RPGRIP1L: variants seen among roughly 807,000 people sequenced by gnomAD.
RPGRIP1L encodes the protein RPGRIP1 like.
Under a neutral mutation model 160.4 loss-of-function variants are expected in RPGRIP1L, and 131 were observed. The ratio of observed to expected loss-of-function variants is 0.82; its 90% CI spans 0.71 to 0.94. RPGRIP1L has a LOEUF of 0.94. Ranked by LOEUF, RPGRIP1L falls within the 40% of genes least tolerant of loss-of-function variation. The probability of loss-of-function intolerance (pLI) is 0.00; values close to 1 mark genes in which losing one functional copy is unlikely to be tolerated. For synonymous variants in RPGRIP1L, 510 were observed against 515.8 expected (o/e 0.99, Z 0.15); for missense variants, 1,522 against 1,535.8 (o/e 0.99, Z 0.15).
chr16:53,622,183 T>C (rs1364153050), intron 23 of RPGRIP1L, 36 bp downstream of exon 23: 15 of 617,410 alleles, frequency 2.4e-5, no homozygotes, highest in Non-Finnish European at 3.5e-5. Context: ...GCCAACATAG[T>C]GAAACCCCGT....
At chr16:53,665,591 G>C (rs949005291) in intron 9 of RPGRIP1L, among the ~76,000 whole-genome samples, 5 of 152,142 alleles carry the variant, frequency 3.3e-5, no homozygotes, top group African/African-American at 1.2e-4. Flanking sequence ...AGTTTTAGAT[G>C]TAACACGATT....
At chr16:53,647,475 A>G (rs909811360) in intron 16 of RPGRIP1L, among the ~76,000 whole-genome samples, 2 of 152,128 alleles carry the variant, frequency 1.3e-5, no homozygotes, top group Non-Finnish European at 2.9e-5. Flanking sequence ...GCTGTTTAAC[A>G]TGGTAGATGA....
chr16:53,651,205 CT>C (rs1406746722), intron 15 of RPGRIP1L, among the ~76,000 whole-genome samples: 2 of 152,278 alleles, frequency 1.3e-5, no homozygotes, highest in East Asian at 3.9e-4. Flanking sequence ...GCCAGAAATT[CT>C]TACTTCATCC....
chr16:53,621,623 G>T (rs1316589487), intron 23 of RPGRIP1L, among the ~76,000 whole-genome samples: 2 of 152,034 alleles, frequency 1.3e-5, no homozygotes, highest in Admixed American at 1.3e-4. Flanking sequence ...AAGAAAGTAA[G>T]CTCTAAATAA....
intron 26 of RPGRIP1L, among the ~76,000 whole-genome samples, chr16:53,605,196 C>T (rs749967135): frequency 2.0e-5 from 3 of 151,686 alleles, no homozygotes; most frequent in Non-Finnish European, 4.4e-5. Context: ...ATCCAATGGC[C>T]AACTTTTTTT....
In RPGRIP1L at chr16:53,636,520, A is replaced by C; in HGVS notation, c.3221-8T>G. Reference sequence around the variant, plus strand: ...CTGACATGTCCTCTTCAACTGTTTAAAAAATAAAAGGGTAACATTTACACA... The same window carrying C: ...CTGACATGTCCTCTTCAACTGTTTACAAAATAAAAGGGTAACATTTACACA... On this transcript the variant is annotated splice_polypyrimidine_tract_variant and splice_region_variant and intron_variant, in intron 21 of 26. Coordinates refer to ENST00000647211, the MANE Select transcript of RPGRIP1L (RefSeq NM_015272.5). The C allele has an allele frequency of 1.2e-6, 2 of 1,603,248 alleles. No individual in the cohort carries two copies. Among genetic ancestry groups the C allele is most frequent in the Non-Finnish European group, 1.7e-6 (2 of 1,170,542 alleles).
At chr16:53,664,606 C>T (rs1474280013) in intron 10 of RPGRIP1L, among the ~76,000 whole-genome samples, 2 of 152,042 alleles carry the variant, frequency 1.3e-5, no homozygotes, top group Non-Finnish European at 2.9e-5. Flanking sequence ...TAAAGAAAGG[C>T]TCAGAATTTA....
At chr16:53,614,139 T>C (rs1351096714) in intron 24 of RPGRIP1L, among the ~76,000 whole-genome samples, 1 of 152,232 alleles carries the variant, frequency 6.6e-6, no homozygotes, top group Non-Finnish European at 1.5e-5. Flanking sequence ...ATTGCTTAGA[T>C]ATACCTAGTC....
chr16:53,669,911 G>A (rs1248104600), intron 9 of RPGRIP1L, among the ~76,000 whole-genome samples: 1 of 152,102 alleles, frequency 6.6e-6, no homozygotes, highest in Non-Finnish European at 1.5e-5. Context: ...CTAAACTAGA[G>A]TCTCAGCAAT....
Position 53,622,339 on chromosome 16 carries a change from G to A in RPGRIP1L, c.3312C>T (p.Pro1104=), listed in dbSNP as rs568801926. 331 of 632,882 alleles carry A rather than the reference G, an allele frequency of 5.2e-4. No homozygotes were observed. Among genetic ancestry groups the A allele is most frequent in the Non-Finnish European group, 7.7e-4 (268 of 347,164 alleles). The allele number at this position is 632,882 out of a possible 1,614,324, so 39.2% of individuals were successfully genotyped here. Reference sequence around the variant, plus strand: ...AGATCGCGCTACTGCACCCCAGCCCGGGAGACAATGCGAGACTCTGTCTCA... The same window carrying A: ...AGATCGCGCTACTGCACCCCAGCCCAGGAGACAATGCGAGACTCTGTCTCA... The part of the protein sequence containing the change: ...KNIKQSLALS[P]GLGCSSAISA... Residue 1104 remains proline, a synonymous_variant, in exon 23 of 27, where the codon CCC becomes CCT. Coordinates refer to ENST00000647211, the MANE Select transcript of RPGRIP1L (RefSeq NM_015272.5).
intron 24 of RPGRIP1L, among the ~76,000 whole-genome samples, chr16:53,615,260 A>T (rs946568319): frequency 1.3e-5 from 2 of 152,000 alleles, no homozygotes; most frequent in African/African-American, 4.8e-5. Flanking sequence ...ATTCCACTGT[A>T]GGCTTTATTC....
chr16:53,611,635 G>C (rs1964044980), intron 24 of RPGRIP1L, among the ~76,000 whole-genome samples: 1 of 152,208 alleles, frequency 6.6e-6, no homozygotes, highest in South Asian at 2.1e-4. Context: ...GCACATGCTG[G>C]CATCGAGGAA....
At chr16:53,658,336 G>T (rs1598344278) in intron 12 of RPGRIP1L, 78 bp downstream of exon 12, 1 of 1,003,186 alleles carries the variant, frequency 1.0e-6, no homozygotes, top group Admixed American at 1.7e-5. Context: ...CAAATGTAAG[G>T]GTTACAGATA....
chr16:53,629,026 GA>G (rs1389214261), intron 22 of RPGRIP1L, among the ~76,000 whole-genome samples: 1 of 152,066 alleles, frequency 6.6e-6, no homozygotes, highest in African/African-American at 2.4e-5. Flanking sequence ...ATACAAACCT[GA>G]GGGATATGAC....
At chr16:53,633,618 A>C (rs148559356) in intron 22 of RPGRIP1L, among the ~76,000 whole-genome samples, 50 of 152,352 alleles carry the variant, frequency 3.3e-4, no homozygotes, top group Admixed American at 9.8e-4. Flanking sequence ...ATTAGATAAC[A>C]ATATTATATA....
chr16:53,603,690 G>GTA (rs1403921219), intron 26 of RPGRIP1L, among the ~76,000 whole-genome samples: 2 of 151,538 alleles, frequency 1.3e-5, no homozygotes, highest in Admixed American at 1.3e-4. Context: ...GTGTGTGTGT[G>GTA]TGTGTGTGTG....
intron 22 of RPGRIP1L, among the ~76,000 whole-genome samples, chr16:53,629,356 C>T (rs923878647): frequency 5.3e-5 from 8 of 152,076 alleles, no homozygotes; most frequent in East Asian, 3.9e-4. Context: ...TGATAAAACA[C>T]GGATTGGTGG....
At chr16:53,642,913 C>G (rs1966325931) in intron 17 of RPGRIP1L, among the ~76,000 whole-genome samples, 1 of 152,216 alleles carries the variant, frequency 6.6e-6, no homozygotes, top group African/African-American at 2.4e-5. Context: ...ACATCACAGA[C>G]AGCCTGAGGT....
At chr16:53,660,373 T>G (rs567961449) in intron 10 of RPGRIP1L, among the ~76,000 whole-genome samples, 11 of 152,314 alleles carry the variant, frequency 7.2e-5, no homozygotes, top group Non-Finnish European at 1.6e-4. Flanking sequence ...AAGAATTCTT[T>G]GCACAAAGGC....
Sources: gnomAD v4.1 joint callset for allele counts (sites outside exome capture counted in the v4.1 genomes callset) on GRCh38, gnomAD v4.1.1 for gene constraint, MANE v1.5 for transcripts, NCBI Gene and HGNC (gene_info 2026-07-23, HGNC 2026-07-21) for gene names.